KANK1: variants seen among roughly 807,000 people sequenced by gnomAD.
KANK1 encodes KN motif and ankyrin repeat domain-containing protein 1.
Under a neutral mutation model 106.2 loss-of-function variants are expected in KANK1, and 109 were observed. That is an observed-to-expected ratio of 1.03 (90% CI 0.88 to 1.20). The LOEUF (loss-of-function observed/expected upper bound fraction) is 1.20. Ranked by LOEUF, KANK1 falls within the 50% of genes most tolerant of loss-of-function variation. KANK1 has a pLI of 0.00. For synonymous variants in KANK1, 873 were observed against 652.2 expected (o/e 1.34, Z -5.16); for missense variants, 2,399 against 1,710.7 (o/e 1.40, Z -7.10).
rs1442664720 is a variant in KANK1 at position 735,684 on chromosome 9, C to T, written c.3333+849C>T. 5 of 374,136 alleles carry T rather than the reference C, an allele frequency of 1.3e-5. No individual in the cohort carries two copies. The Admixed American group carries it at 1.3e-4, about 10-fold the overall frequency. The allele number at this position is 374,136 out of a possible 1,614,324, so 23.2% of individuals were successfully genotyped here. ...TTAAATTCTGCCATATATTTTAAAT[C>T]ATTTCTATATCATAATACCTAATAC... On this transcript the variant is annotated intron_variant, in intron 7 of 11. Transcript: ENST00000382297.
chr9:736,183 C>T (rs776332860), intron 7 of KANK1, among the ~76,000 whole-genome samples: 1 of 152,168 alleles, frequency 6.6e-6, no homozygotes, highest in South Asian at 2.1e-4. Context: ...TGGTCTCGAT[C>T]TCCTGACCTC....
At chr9:471,192 C>A (rs899343938) in intron 2 of KANK1, among the ~76,000 whole-genome samples, 13 of 152,186 alleles carry the variant, frequency 8.5e-5, no homozygotes, top group African/African-American at 3.1e-4. Context: ...TGGACTGCAC[C>A]TCACCCCTTG....
chr9:739,791 G>C (rs1474095290), intron 8 of KANK1, among the ~76,000 whole-genome samples: 2 of 151,956 alleles, frequency 1.3e-5, no homozygotes, highest in African/African-American at 4.8e-5. Context: ...CCCCCTTCTA[G>C]GCTGAGATTC....
chr9:628,915 C>G (rs57436984), intron 1 of KANK1, among the ~76,000 whole-genome samples: 2 of 150,494 alleles, frequency 1.3e-5, no homozygotes, highest in Non-Finnish European at 2.9e-5. Context: ...CCCATCTCTA[C>G]TAAAAATACA....
chr9:703,850 T>C (rs1455508908), intron 2 of KANK1, among the ~76,000 whole-genome samples: 1 of 152,092 alleles, frequency 6.6e-6, no homozygotes, highest in East Asian at 1.9e-4. Context: ...TAGCTGGGAT[T>C]ACAGGTGCAC....
intron 1 of KANK1, among the ~76,000 whole-genome samples, chr9:648,863 A>G (rs1277005250): frequency 6.6e-6 from 1 of 152,250 alleles, no homozygotes; most frequent in Admixed American, 6.5e-5. Flanking sequence ...TTCTGAAACC[A>G]TGTAGATAAT....
chr9:609,118 A>C (rs1285196427), intron 1 of KANK1, among the ~76,000 whole-genome samples: 1 of 150,708 alleles, frequency 6.6e-6, no homozygotes, highest in East Asian at 1.9e-4. Context: ...AGCTGGCTGA[A>C]AAAAAAAAAG....
At chr9:541,502 A>C (rs914932233) in intron 1 of KANK1, among the ~76,000 whole-genome samples, 1 of 152,232 alleles carries the variant, frequency 6.6e-6, no homozygotes, top group Admixed American at 6.5e-5. Context: ...AGTAAGATCC[A>C]AAAGTATAAA....
intron 11 of KANK1, 153 bp from the exon 12 acceptor site, chr9:745,020 T>C (rs1437063870): frequency 3.3e-6 from 5 of 1,508,188 alleles, no homozygotes; most frequent in Non-Finnish European, 4.4e-6. Flanking sequence ...CTTGGAGCTG[T>C]GGACACCTGT....
rs760861729 is a variant in KANK1, at chr9:589,679, C to A, written c.-84+84925C>A. Among the ~76,000 whole-genome samples the A allele has an allele frequency of 1.7e-4, 26 of 152,032 alleles. 1 individual carries two copies. The highest frequency in any genetic ancestry group is 2.8e-4 in the Non-Finnish European group (19 of 68,004). ...AGGGAGGAGATGGAGCAAGTAGACA[C>A]AGGTGATTTGAAATAGAAAGGAACA... is the stretch of plus-strand genomic sequence containing the variant. On this transcript the variant is annotated intron_variant, in intron 1 of 11. Coordinates refer to ENST00000382297, the MANE Select transcript of KANK1 (RefSeq NM_015158.5).
intron 1 of KANK1, among the ~76,000 whole-genome samples, chr9:572,699 C>G (rs775883497): frequency 1.3e-5 from 2 of 152,146 alleles, no homozygotes; most frequent in Non-Finnish European, 2.9e-5. Flanking sequence ...TCCAGCCCTA[C>G]TTTTGCTTTT....
At chr9:730,301 C>T in intron 4 of KANK1, 53 bp downstream of exon 4, 1 of 1,519,374 alleles carries the variant, frequency 6.6e-7, no homozygotes, top group Non-Finnish European at 9.1e-7. Context: ...GCCAGCATTG[C>T]CAGCATTCCA....
At chr9:613,908 C>T (rs7028675) in intron 1 of KANK1, among the ~76,000 whole-genome samples, 96,597 of 151,924 alleles carry the variant, frequency 0.64, 32,507 homozygotes, top group South Asian at 0.76. Flanking sequence ...GACCATTTAA[C>T]TGAGCATAAA....
chr9:646,145 G>GA (rs1345574926), intron 1 of KANK1, among the ~76,000 whole-genome samples: 3 of 150,588 alleles, frequency 2.0e-5, no homozygotes, highest in Non-Finnish European at 4.4e-5. Context: ...CAGATCTTCA[G>GA]AAAATAGGGA....
At chr9:519,066 G>A (rs1297275765) in intron 1 of KANK1, among the ~76,000 whole-genome samples, 1 of 151,394 alleles carries the variant, frequency 6.6e-6, no homozygotes, top group African/African-American at 2.4e-5. Context: ...AATTTTGTAT[G>A]TTTAATAGAA....
chr9:570,241 C>G (rs993661799), intron 1 of KANK1, among the ~76,000 whole-genome samples: 18 of 152,280 alleles, frequency 1.2e-4, no homozygotes, highest in African/African-American at 4.3e-4. Flanking sequence ...ATAATGTAGA[C>G]TTAAAATTTT....
At chr9:527,093 A>C (rs1043706395) in intron 1 of KANK1, among the ~76,000 whole-genome samples, 1 of 151,492 alleles carries the variant, frequency 6.6e-6, no homozygotes, top group Admixed American at 6.6e-5. Context: ...CCTGTCACTG[A>C]CTCATTCCCA....
intron 1 of KANK1, chr9:558,989 C>T (rs879298256): frequency 2.0e-5 from 3 of 152,152 alleles, no homozygotes; most frequent in Non-Finnish European, 4.4e-5. Flanking sequence ...GAGCATTAGT[C>T]TTGGGGTTAT....
chr9:665,222 T>TA (rs1844294969), intron 1 of KANK1, among the ~76,000 whole-genome samples: 1 of 152,322 alleles, frequency 6.6e-6, no homozygotes, highest in Admixed American at 6.5e-5. Context: ...TTTGAGAACT[T>TA]AAACAAAAAA....
Sources: gnomAD v4.1 joint callset for allele counts (sites outside exome capture counted in the v4.1 genomes callset) on GRCh38, gnomAD v4.1.1 for gene constraint, MANE v1.5 for transcripts, NCBI Gene and HGNC (gene_info 2026-07-23, HGNC 2026-07-21) for gene names.